Variants in NUP85 observed in about 807,000 individuals in gnomAD.
NUP85 encodes the protein nucleoporin 85, also known as nuclear pore complex protein Nup85.
Under a neutral mutation model 92.8 loss-of-function variants are expected in NUP85, and 23 were observed. The ratio of observed to expected loss-of-function variants is 0.25; its 90% CI spans 0.18 to 0.35. The LOEUF (loss-of-function observed/expected upper bound fraction) is 0.35. Ranked by LOEUF, NUP85 falls within the 10% of genes least tolerant of loss-of-function variation. The pLI is 1.00. For synonymous variants in NUP85, 314 were observed against 306.9 expected, an observed-to-expected ratio of 1.02 and a Z score of -0.24; for missense variants, 759 against 822.8, an observed-to-expected ratio of 0.92 and a Z score of 0.95.
chr17:75,229,692 G>A (rs926649773), intron 11 of NUP85, among the ~76,000 whole-genome samples: 3 of 152,170 alleles, frequency 2.0e-5, no homozygotes, highest in East Asian at 1.9e-4. Context: ...TCTGGTCTCC[G>A]TCACTTGAGT....
intron 4 of NUP85, among the ~76,000 whole-genome samples, chr17:75,212,596 C>G (rs1316459604): frequency 6.6e-6 from 1 of 150,958 alleles, no homozygotes; most frequent in Non-Finnish European, 1.5e-5. Flanking sequence ...CCTCATCCTT[C>G]CAAGTAGTTG....
intron 1 of NUP85, among the ~76,000 whole-genome samples, chr17:75,207,511 ACT>A (rs1282905787): frequency 3.4e-5 from 5 of 148,320 alleles, no homozygotes; most frequent in South Asian, 4.3e-4. Flanking sequence ...ACGGATTCTC[ACT>A]CTGTCACCCA....
chr17:75,232,069 T>C, intron 14 of NUP85, 90 bp downstream of exon 14: 1 of 1,408,034 alleles, frequency 7.1e-7, no homozygotes, highest in Admixed American at 2.0e-5. Context: ...CCAGCCATCC[T>C]CCTCCTCACG....
intron 16 of NUP85, among the ~76,000 whole-genome samples, chr17:75,233,564 G>A (rs1285269223): frequency 6.7e-6 from 1 of 149,702 alleles, no homozygotes; most frequent in African/African-American, 2.5e-5. Context: ...TGGGATTACA[G>A]GCACGCGGAA....
chr17:75,225,539 G>A, intron 9 of NUP85, 75 bp downstream of exon 9: 4 of 1,584,076 alleles, frequency 2.5e-6, no homozygotes, highest in Non-Finnish European at 3.4e-6. Flanking sequence ...GCAGTGGCAG[G>A]AGCTTGGTCC....
At chr17:75,217,667 C>T (rs988553450) in intron 6 of NUP85, among the ~76,000 whole-genome samples, 6 of 152,060 alleles carry the variant, frequency 3.9e-5, no homozygotes, top group Non-Finnish European at 8.8e-5. Flanking sequence ...CCACCACGCC[C>T]GGCTAATTTT....
At chr17:75,217,196 A>G (rs1295535541) in intron 6 of NUP85, among the ~76,000 whole-genome samples, 2 of 151,966 alleles carry the variant, frequency 1.3e-5, no homozygotes, top group Non-Finnish European at 2.9e-5. Context: ...AGTAGCTGGG[A>G]CCACAGGCCT....
At chr17:75,226,014 C>A in intron 10 of NUP85, 37 bp from the exon 11 acceptor site, 1 of 1,610,210 alleles carries the variant, frequency 6.2e-7, no homozygotes, top group South Asian at 1.1e-5. Flanking sequence ...TCTCTGCTTC[C>A]GTCCTCAGGA....
At position 75,209,990 on chromosome 17, in the gene NUP85, GT is replaced by G. The variant is rs1209159629; in HGVS notation, c.290+7del. ...TGGAAAATCCAGAAAATCTCAGTAA[GT>G]TGGTTGCTGTTTGGTGTTGAAGCCC... On this transcript the variant is annotated splice_donor_region_variant and intron_variant, in intron 3 of 18. Transcript: ENST00000245544. 6.3e-7 allele frequency: 1 copy of G among 1,591,104 alleles called. No individual in the cohort carries two copies. The highest frequency in any genetic ancestry group is 8.5e-7 in the Non-Finnish European group (1 of 1,174,802).
chr17:75,213,862 G>GGTTTT (rs1568071585), intron 5 of NUP85, among the ~76,000 whole-genome samples: 2 of 122,014 alleles, frequency 1.6e-5, no homozygotes, highest in African/African-American at 3.1e-5. Flanking sequence ...CAAAACTCAA[G>GGTTTT]TTTTTTTTTT....
rs755268003 is a variant in NUP85 at position 75,231,903 on chromosome 17, G to A, written c.1320G>A (p.Glu440=). 2.5e-6 allele frequency: 4 copies of A among 1,614,216 alleles called. No individual in the cohort carries two copies. The South Asian group carries it at 3.3e-5, about 13-fold the overall frequency. ...LGRVSLELHI[E]RIPLNTEQKA... ...GAGTCTCCCTGGAGCTGCACATTGA[G>A]CGGATACCTCTGAACACCGAGCAGA... Residue 440 remains glutamate, a synonymous_variant, in exon 14 of 19, where the codon GAG becomes GAA. Coordinates refer to ENST00000245544, the MANE Select transcript of NUP85 (RefSeq NM_024844.5). The surrounding 1 kb of genome is among the most constrained non-coding windows in gnomAD (Gnocchi z 4.6).
chr17:75,232,929 G>A lies in NUP85; in HGVS notation c.1475G>A (p.Arg492His), dbSNP rs545929051. 9 of 1,614,208 alleles carry A rather than the reference G, an allele frequency of 5.6e-6. No individual in the cohort carries two copies. The highest frequency in any genetic ancestry group is 2.7e-5 in the African/African-American group (2 of 75,062). ...RLGSALSWSI[R>H]AKDAAFATLV... ...GGTTCTGCCCTCTCTTGGAGCATCC[G>A]TGCTAAGGATGCCGCCTTTGCCACG... Residue 492 changes from arginine (R) to histidine (H), a missense_variant, in exon 15 of 19, where the codon CGT becomes CAT. Coordinates refer to ENST00000245544, the MANE Select transcript of NUP85 (RefSeq NM_024844.5).
chr17:75,211,272 G>T (rs2075251500), intron 3 of NUP85, among the ~76,000 whole-genome samples: 1 of 151,954 alleles, frequency 6.6e-6, no homozygotes, highest in Non-Finnish European at 1.5e-5. Flanking sequence ...CAAAGTGCTG[G>T]GATTATAGGA....
chr17:75,224,955 C>T, intron 7 of NUP85, 148 bp from the exon 8 acceptor site: 1 of 661,854 alleles, frequency 1.5e-6, no homozygotes, highest in Non-Finnish European at 2.4e-6. Flanking sequence ...AAAGAGCCAT[C>T]ATTCTTCCCA....
At chr17:75,233,023 G>A (rs2145421510) in intron 15 of NUP85, 35 bp from the exon 16 acceptor site, 5 of 1,613,480 alleles carry the variant, frequency 3.1e-6, no homozygotes, top group Non-Finnish European at 4.2e-6. Context: ...GTGGGCCTGA[G>A]ACTGCTGCTC....
intron 17 of NUP85, 30 bp downstream of exon 17, chr17:75,234,818 T>C (rs375906535): frequency 3.2e-5 from 51 of 1,613,006 alleles, no homozygotes; most frequent in Non-Finnish European, 4.0e-5. Context: ...TGGTTTTCTT[T>C]GCTTGTCAGT....
intron 10 of NUP85, 38 bp downstream of exon 10, chr17:75,225,867 G>T (rs769699232): frequency 1.2e-6 from 2 of 1,612,500 alleles, no homozygotes; most frequent in South Asian, 2.2e-5. Context: ...GGGGGTAGGA[G>T]TCCTGGGGGC....
chr17:75,228,962 C>T (rs1568088844), intron 11 of NUP85: 3 of 985,318 alleles, frequency 3.0e-6, no homozygotes, highest in East Asian at 2.3e-4. Context: ...TGGCAGGAGT[C>T]CTCCACAGGG....
chr17:75,232,657 A>G (rs1452681043), intron 14 of NUP85, among the ~76,000 whole-genome samples, 194 bp from the exon 15 acceptor site: 1 of 152,160 alleles, frequency 6.6e-6, no homozygotes, highest in Non-Finnish European at 1.5e-5. Flanking sequence ...CGTGATGGGC[A>G]CTTACACTCT....
Sources: gnomAD v4.1 joint callset for allele counts (sites outside exome capture counted in the v4.1 genomes callset) on GRCh38, gnomAD v4.1.1 for gene constraint, Gnocchi (gnomAD v3.1) non-coding constraint, MANE v1.5 for transcripts, NCBI Gene and HGNC (gene_info 2026-07-23, HGNC 2026-07-21) for gene names.